TRIM27: variants seen among roughly 807,000 people sequenced by gnomAD.
The protein encoded by TRIM27 is zinc finger protein RFP.
TRIM27 carries 12 observed loss-of-function variants against 57.6 expected under a neutral mutation model. The ratio of observed to expected loss-of-function variants is 0.21; its 90% CI spans 0.13 to 0.34. The LOEUF (loss-of-function observed/expected upper bound fraction) is 0.34, where lower values mean the gene tolerates loss of function less well. TRIM27 is among the 10% of genes least tolerant of loss of function. The pLI is 1.00. For missense variants in TRIM27, 403 were observed against 656.8 expected, an observed-to-expected ratio of 0.61 and a Z score of 4.22; for synonymous variants, 266 against 259.0, an observed-to-expected ratio of 1.03 and a Z score of -0.26.
chr6:28,922,239 A>G (rs1562182889), intron 1 of TRIM27, among the ~76,000 whole-genome samples: 1 of 152,190 alleles, frequency 6.6e-6, no homozygotes, highest in South Asian at 2.1e-4. Context: ...ATTTGTGTCT[A>G]TCTTAAACAA....
chr6:28,920,013 T>C lies in TRIM27; in HGVS notation c.746A>G (p.Gln249Arg). Reference protein sequence around the residue: ...KQQQPTRELLQDIGDTLSRAE... With the variant: ...KQQQPTRELLRDIGDTLSRAE... ...CTAGCAGGGCTCTGCAAGCCTTACC[T>C]GCAGGAGCTCCCTGGTGGGCTGCTG... The change falls in exon 3 of 8, where the codon CAG becomes CGG. Residue 249 changes from glutamine (Q) to arginine (R), a missense_variant and splice_region_variant. Coordinates refer to ENST00000377199, the MANE Select transcript of TRIM27 (RefSeq NM_006510.5). 6.2e-7 allele frequency: 1 copy of C among 1,611,572 alleles called. No individual in the cohort carries two copies. Among genetic ancestry groups the C allele is most frequent in the Non-Finnish European group, 8.5e-7 (1 of 1,179,140 alleles).
rs1220427320 is a variant in TRIM27, at chr6:28,921,924, C to A, written c.484G>T (p.Ala162Ser). The A allele has an allele frequency of 6.2e-7, 1 of 1,613,062 alleles. No individual in the cohort carries two copies. Among genetic ancestry groups the A allele is most frequent in the Non-Finnish European group, 8.5e-7 (1 of 1,180,006 alleles). The change falls in exon 2 of 8, where the codon GCC becomes TCC. Residue 162 changes from alanine (A) to serine (S), a missense_variant. Ala to Ser is a moderately conservative substitution (Grantham distance 99). Transcript: ENST00000377199. ...TCAGCTCGTGCCTGTTCCCCCTGGG[C>A]CCGACGTCTCTTCTTTAAATCTTTC... ...RVKDLKKRRR[A>S]QGEQARAELL...
chr6:28,908,524 G>T, intron 6 of TRIM27: 1 of 424,206 alleles, frequency 2.4e-6, no homozygotes, highest in South Asian at 4.8e-5. Context: ...CATTCTTTCC[G>T]AAGTAAACAA....
At chr6:28,908,336 C>T (rs1772929994) in intron 6 of TRIM27, 1 of 163,882 alleles carries the variant, frequency 6.1e-6, no homozygotes, top group East Asian at 1.8e-4. Context: ...AGGCCCAGAA[C>T]CCAGGCAGCC....
chr6:28,910,408 C>T (rs1291264254), intron 4 of TRIM27, among the ~76,000 whole-genome samples: 1 of 152,094 alleles, frequency 6.6e-6, no homozygotes, highest in African/African-American at 2.4e-5. Context: ...CAGCTCACTG[C>T]AACCTCCGCC....
chr6:28,918,675 A>G (rs999280263), intron 3 of TRIM27, among the ~76,000 whole-genome samples: 3 of 152,136 alleles, frequency 2.0e-5, no homozygotes, highest in Admixed American at 1.3e-4. Context: ...CAGGAGTTTG[A>G]GACCAGCCTG....
chr6:28,914,538 C>G (rs1191145130), intron 3 of TRIM27, among the ~76,000 whole-genome samples: 1 of 124,466 alleles, frequency 8.0e-6, no homozygotes, highest in East Asian at 2.4e-4. Flanking sequence ...TTGTCTAGAT[C>G]CAGAAAAAGA....
intron 4 of TRIM27, among the ~76,000 whole-genome samples, chr6:28,910,839 C>T (rs1773151006): frequency 6.6e-6 from 1 of 152,074 alleles, no homozygotes; most frequent in Non-Finnish European, 1.5e-5. Context: ...GTATGAACTC[C>T]ACCTTATCTC....
intron 6 of TRIM27, chr6:28,907,656 C>CACT (rs1772866987): frequency 2.0e-6 from 1 of 507,728 alleles, no homozygotes; most frequent in Admixed American, 2.4e-5. Context: ...GCTCAAGTGA[C>CACT]ACTCACTGAC....
intron 4 of TRIM27, chr6:28,911,414 A>G (rs1251934549): frequency 5.3e-6 from 2 of 379,640 alleles, no homozygotes; most frequent in Non-Finnish European, 9.3e-6. Context: ...AACTACCCTT[A>G]TATTCAGCCC....
In TRIM27 at chr6:28,922,437, T is replaced by C. The variant is rs151050937; in HGVS notation, c.421-450A>G. On this transcript the variant is annotated intron_variant, in intron 1 of 7. Coordinates refer to ENST00000377199, the MANE Select transcript of TRIM27 (RefSeq NM_006510.5). ...ACCTACTCAAGAGTTCTCACCAGAG[T>C]GAGTGAAATAATATAGCTGAAAGGT... Among the ~76,000 whole-genome samples the C allele has an allele frequency of 1.4e-4, 22 of 151,976 alleles. No homozygotes were observed. In the East Asian group the frequency reaches 4.3e-3, roughly 29 times the overall value.
Position 28,908,790 on chromosome 6 carries a change from G to C in TRIM27, c.919+18C>G. On this transcript the variant is annotated intron_variant, in intron 6 of 7. Transcript: ENST00000377199. ...CAAGCAACTTTACATCAAAAGCCCA[G>C]TAGGTAGATAAATTTACCTTGGATT... is the stretch of plus-strand genomic sequence containing the variant. 3.1e-6 allele frequency: 5 copies of C among 1,612,868 alleles called. No homozygotes were observed. Among genetic ancestry groups the C allele is most frequent in the Non-Finnish European group, 3.4e-6 (4 of 1,179,020 alleles).
intron 7 of TRIM27, chr6:28,906,181 C>T (rs926236430): frequency 2.6e-5 from 4 of 151,620 alleles, no homozygotes; most frequent in African/African-American, 9.7e-5. Context: ...CCAGCCTGGG[C>T]AACAGAGAAC....
At position 28,903,705 on chromosome 6, in the gene TRIM27, T is replaced by C; in HGVS notation, c.*365A>G. The C allele has an allele frequency of 3.4e-6, 1 of 298,122 alleles. No individual in the cohort carries two copies. The highest frequency in any genetic ancestry group is 5.0e-5 in the East Asian group (1 of 20,036). The allele number at this position is 298,122 out of a possible 1,614,324, so 18.5% of individuals were successfully genotyped here. On this transcript the variant is annotated 3_prime_UTR_variant, in exon 8 of 8. Transcript: ENST00000377199. ...TGACAGCAAATAGCCATAATCATTATGTGGGGCTGAACCAGAGGAAGCCAG... is the reference window on the plus strand; with the variant it reads ...TGACAGCAAATAGCCATAATCATTACGTGGGGCTGAACCAGAGGAAGCCAG...
chr6:28,921,178 C>T lies in TRIM27; in HGVS notation c.516+714G>A, dbSNP rs140280970. Among the ~76,000 whole-genome samples the T allele has an allele frequency of 1.7e-3, 265 of 152,128 alleles. 1 individual carries two copies. The highest frequency in any genetic ancestry group is 6.1e-3 in the African/African-American group (254 of 41,478). On this transcript the variant is annotated intron_variant, in intron 2 of 7. Coordinates refer to ENST00000377199, the MANE Select transcript of TRIM27 (RefSeq NM_006510.5). ...GGCGGATCACCTGAGGTCGGGAGTT[C>T]GAGACCAGCCTAACCAACATGGAGA...
chr6:28,917,111 C>CG (rs9280509), intron 3 of TRIM27, among the ~76,000 whole-genome samples: 70,251 of 151,080 alleles, frequency 0.46, 17,256 homozygotes, highest in African/African-American at 0.63. Context: ...CACTGCACTC[C>CG]GACTGGGTTT....
intron 6 of TRIM27, 90 bp downstream of exon 6, chr6:28,908,718 C>G: frequency 4.7e-6 from 6 of 1,278,086 alleles, no homozygotes; most frequent in Non-Finnish European, 6.8e-6. Context: ...CAATGGGTAT[C>G]ACCCTTATCC....
intron 3 of TRIM27, among the ~76,000 whole-genome samples, chr6:28,919,571 T>A (rs562822266): frequency 1.3e-5 from 2 of 152,198 alleles, no homozygotes; most frequent in African/African-American, 4.8e-5. Context: ...ACTGCTCAGG[T>A]AACCTAACCA....
In TRIM27 at chr6:28,904,451, G is replaced by C. The variant is rs764007992; in HGVS notation, c.1161C>G (p.Val387=). 6.2e-7 allele frequency: 1 copy of C among 1,612,914 alleles called. No individual in the cohort carries two copies. Among genetic ancestry groups the C allele is most frequent in the African/African-American group, 1.3e-5 (1 of 74,920 alleles). ...VGDKAKWTIG[V]CEDSVCRKGG... The stretch of plus-strand genomic sequence containing the variant: ...CTTTTCTGCACACTGAGTCTTCACA[G>C]ACACCTATGGTCCACTTGGCTTTAT... Residue 387 remains valine (V), a synonymous_variant, in exon 8 of 8, where the codon GTC becomes GTG. Transcript: ENST00000377199. The surrounding 1 kb of genome is among the most constrained non-coding windows in gnomAD (Gnocchi z 6.1).
Sources: gnomAD v4.1 joint callset for allele counts (sites outside exome capture counted in the v4.1 genomes callset) on GRCh38, gnomAD v4.1.1 for gene constraint, Gnocchi (gnomAD v3.1) non-coding constraint, MANE v1.5 for transcripts, NCBI Gene and HGNC (gene_info 2026-07-23, HGNC 2026-07-21) for gene names.